CLSTN2: variants seen among roughly 807,000 people sequenced by gnomAD.
CLSTN2 encodes calsyntenin-2.
In CLSTN2, 48 loss-of-function variants were observed where a neutral mutation model predicts 101.2. That is an observed-to-expected ratio of 0.47 (90% CI 0.38 to 0.60). CLSTN2 has a LOEUF of 0.60. CLSTN2 is among the 20% of genes least tolerant of loss of function. The pLI, the probability that CLSTN2 is intolerant of heterozygous loss-of-function variation, is 0.00. For synonymous variants in CLSTN2, 481 were observed against 463.6 expected, an observed-to-expected ratio of 1.04 and a Z score of -0.48; for missense variants, 1,160 against 1,238.2, an observed-to-expected ratio of 0.94 and a Z score of 0.95.
chr3:140,048,417 A>G (rs752709071), intron 1 of CLSTN2, among the ~76,000 whole-genome samples: 17 of 152,218 alleles, frequency 1.1e-4, no homozygotes, highest in Non-Finnish European at 2.1e-4. Flanking sequence ...AGTCCTGCCT[A>G]CATACTGAAT....
intron 2 of CLSTN2, among the ~76,000 whole-genome samples, chr3:140,255,993 CAA>C (rs1459351087): frequency 2.0e-5 from 3 of 152,162 alleles, no homozygotes; most frequent in African/African-American, 7.2e-5. Context: ...CTGAATCTAA[CAA>C]ATTGATTTTT....
chr3:139,992,130 A>C (rs1936125754), intron 1 of CLSTN2, among the ~76,000 whole-genome samples: 1 of 152,208 alleles, frequency 6.6e-6, no homozygotes, highest in African/African-American at 2.4e-5. Flanking sequence ...CTCACTAGCA[A>C]CTGGGAAGAA....
chr3:140,508,599 TTTA>T (rs1175788160), intron 8 of CLSTN2: 1 of 152,214 alleles, frequency 6.6e-6, no homozygotes, highest in African/African-American at 2.4e-5. Flanking sequence ...CTTTGTGCAG[TTTA>T]TTGTGTTCAG....
chr3:140,185,511 G>C (rs1176588552), intron 2 of CLSTN2, among the ~76,000 whole-genome samples: 1 of 152,140 alleles, frequency 6.6e-6, no homozygotes, highest in Admixed American at 6.5e-5. Context: ...CACTGACCCG[G>C]TGGTCAAATT....
chr3:140,214,156 T>C (rs1387361000), intron 2 of CLSTN2, among the ~76,000 whole-genome samples: 1 of 151,624 alleles, frequency 6.6e-6, no homozygotes, highest in Non-Finnish European at 1.5e-5. Context: ...AAAAAAAAAA[T>C]AGGCTAGGCA....
intron 1 of CLSTN2, among the ~76,000 whole-genome samples, chr3:140,056,250 A>G (rs2008093980): frequency 6.6e-6 from 1 of 152,236 alleles, no homozygotes; most frequent in Non-Finnish European, 1.5e-5. Flanking sequence ...CTCAGCACCT[A>G]GCACAGTGCC....
intron 1 of CLSTN2, among the ~76,000 whole-genome samples, chr3:139,959,363 T>C (rs1279085279): frequency 6.6e-6 from 1 of 152,210 alleles, no homozygotes; most frequent in African/African-American, 2.4e-5. Flanking sequence ...CTCTTTGAGG[T>C]ACATAGTGTC....
intron 8 of CLSTN2, among the ~76,000 whole-genome samples, chr3:140,492,434 G>A (rs556670982): frequency 3.9e-5 from 6 of 152,258 alleles, no homozygotes; most frequent in Non-Finnish European, 7.4e-5. Flanking sequence ...AAGTAGCAGC[G>A]GCAATAAGAC....
chr3:139,950,256 C>T (rs920621464), intron 1 of CLSTN2, among the ~76,000 whole-genome samples: 4 of 152,192 alleles, frequency 2.6e-5, no homozygotes, highest in African/African-American at 9.7e-5. Context: ...GAAATACCAT[C>T]TTCCTCAACC....
intron 2 of CLSTN2, among the ~76,000 whole-genome samples, chr3:140,210,805 G>A (rs755097939): frequency 8.5e-4 from 129 of 152,196 alleles, no homozygotes; most frequent in Middle Eastern, 3.4e-3. Context: ...CAGAATGAAC[G>A]TAATTATAAC....
chr3:140,403,855 C>T, intron 3 of CLSTN2, 31 bp downstream of exon 3: 1 of 1,561,260 alleles, frequency 6.4e-7, no homozygotes, highest in Non-Finnish European at 8.7e-7. Flanking sequence ...CTCTGGACGC[C>T]CCTCCCTCCC....
intron 1 of CLSTN2, among the ~76,000 whole-genome samples, chr3:140,106,677 T>G (rs892005952): frequency 1.3e-5 from 2 of 152,200 alleles, no homozygotes; most frequent in Admixed American, 6.5e-5. Context: ...CATTCCAGGC[T>G]GGACAGTATT....
At chr3:140,498,761 C>T (rs1236427615) in intron 8 of CLSTN2, among the ~76,000 whole-genome samples, 1 of 152,184 alleles carries the variant, frequency 6.6e-6, no homozygotes, top group Non-Finnish European at 1.5e-5. Flanking sequence ...TGTCTTGTCA[C>T]AACCACTAGC....
chr3:140,505,921 C>T (rs1433445191), intron 8 of CLSTN2: 2 of 152,210 alleles, frequency 1.3e-5, no homozygotes, highest in Non-Finnish European at 2.9e-5. Context: ...ATGATTTATT[C>T]TCACCTTTGC....
chr3:139,987,336 A>G (rs1017547962), intron 1 of CLSTN2, among the ~76,000 whole-genome samples: 4 of 152,224 alleles, frequency 2.6e-5, no homozygotes, highest in African/African-American at 9.6e-5. Context: ...TAAGGAAGGA[A>G]TATTAGAAAT....
rs1428182522 is a variant in CLSTN2 at position 140,574,968 on chromosome 3, C to T, written c.*8715C>T. On this transcript the variant is annotated 3_prime_UTR_variant, in exon 17 of 17. Transcript: ENST00000458420. ...GGTCATGGATGTTAATATAAAGGCT[C>T]ATCCACCCTTGGTGGCAAAAGTGCA... 3 of 152,144 alleles carry T rather than the reference C, an allele frequency of 2.0e-5. No homozygotes were observed. Among genetic ancestry groups the T allele is most frequent in the Non-Finnish European group, 2.9e-5 (2 of 68,034 alleles). The allele number at this position is 152,144 out of a possible 1,614,324, so 9.4% of individuals were successfully genotyped here.
At chr3:140,309,011 G>T (rs1241606068) in intron 2 of CLSTN2, among the ~76,000 whole-genome samples, 1 of 152,156 alleles carries the variant, frequency 6.6e-6, no homozygotes, top group Non-Finnish European at 1.5e-5. Flanking sequence ...GGTTTCATCA[G>T]TTATTTATTC....
intron 1 of CLSTN2, among the ~76,000 whole-genome samples, chr3:139,978,793 G>A (rs1019309085): frequency 6.6e-6 from 1 of 151,816 alleles, no homozygotes; most frequent in African/African-American, 2.4e-5. Context: ...AAATTAGGTA[G>A]CAATATAAGC....
chr3:140,400,224 C>T (rs2088225066), intron 2 of CLSTN2, among the ~76,000 whole-genome samples: 1 of 152,192 alleles, frequency 6.6e-6, no homozygotes, highest in African/African-American at 2.4e-5. Flanking sequence ...TTACCTTGTT[C>T]TCACTCTGAG....
Sources: gnomAD v4.1 joint callset for allele counts (sites outside exome capture counted in the v4.1 genomes callset) on GRCh38, gnomAD v4.1.1 for gene constraint, MANE v1.5 for transcripts, NCBI Gene and HGNC (gene_info 2026-07-23, HGNC 2026-07-21) for gene names.